Variants in SYTL3 observed in about 807,000 individuals in gnomAD.
SYTL3 encodes synaptotagmin-like protein 3.
A neutral mutation model predicts 82.1 loss-of-function variants in SYTL3; 88 were observed. That is an observed-to-expected ratio of 1.07 (90% CI 0.90 to 1.28). The LOEUF is 1.28. Ranked by LOEUF, SYTL3 falls within the 50% of genes most tolerant of loss-of-function variation. The pLI is 0.00. For missense variants in SYTL3, 831 were observed against 757.6 expected (o/e 1.10, Z -1.14); for synonymous variants, 311 against 289.4 (o/e 1.07, Z -0.76).
At chr6:158,652,607 C>G (rs1370418818) in intron 2 of SYTL3, among the ~76,000 whole-genome samples, 1 of 151,888 alleles carries the variant, frequency 6.6e-6, no homozygotes, top group Non-Finnish European at 1.5e-5. Flanking sequence ...TGCAATGGCG[C>G]GATCTCAGCT....
chr6:158,685,820 A>AAAAC (rs530028195), intron 6 of SYTL3, among the ~76,000 whole-genome samples: 11 of 152,154 alleles, frequency 7.2e-5, no homozygotes, highest in South Asian at 2.1e-4. Flanking sequence ...CTCCATCTCA[A>AAAAC]AAACAAACAA....
At chr6:158,723,644 ACTTT>A (rs1386701492) in intron 10 of SYTL3, among the ~76,000 whole-genome samples, 1 of 152,178 alleles carries the variant, frequency 6.6e-6, no homozygotes, top group East Asian at 1.9e-4. Flanking sequence ...CATCTCCAGG[ACTTT>A]CTTCTAGTAA....
At chr6:158,720,070 CAG>C (rs538927905) in intron 10 of SYTL3, among the ~76,000 whole-genome samples, 11 of 151,646 alleles carry the variant, frequency 7.3e-5, no homozygotes, top group African/African-American at 2.7e-4. Flanking sequence ...GCCTGGGTGA[CAG>C]AGTGAAACCC....
chr6:158,722,836 G>T (rs1252585652), intron 10 of SYTL3, among the ~76,000 whole-genome samples: 1 of 143,354 alleles, frequency 7.0e-6, no homozygotes, highest in Non-Finnish European at 1.5e-5. Context: ...AACAGTCTGG[G>T]CTCACTGCAA....
intron 11 of SYTL3, among the ~76,000 whole-genome samples, chr6:158,727,598 G>A (rs1347763931): frequency 6.6e-6 from 1 of 152,018 alleles, no homozygotes; most frequent in African/African-American, 2.4e-5. Context: ...GGCCGGAAAA[G>A]TGTTGTGGAG....
Position 158,685,217 on chromosome 6 carries a change from T to TCTC in SYTL3, c.394+2228_394+2229insCTC, listed in dbSNP as rs1491425028. On this transcript the variant is annotated intron_variant, in intron 6 of 17. Transcript: ENST00000611299. Reference sequence around the variant, plus strand: ...GCTTTTATGTCTCTCTCTCTCTCTCTTTTTTTTTTTTTTTTAGATGGAGTC... The same window carrying TCTC: ...GCTTTTATGTCTCTCTCTCTCTCTCTCTCTTTTTTTTTTTTTTTAGATGGAGTC... Among the ~76,000 whole-genome samples the TCTC allele has an allele frequency of 2.1e-3, 233 of 111,156 alleles. 1 individual carries two copies. Among genetic ancestry groups the TCTC allele is most frequent in the African/African-American group, 0.011 (219 of 19,714 alleles). 72.9% of individuals were successfully genotyped at this position (111,156 alleles called of 152,430 possible). A position where few individuals can be genotyped will look rare whatever the true frequency, so the allele number is the denominator to read the frequency against.
chr6:158,683,159 C>G (rs899856842), intron 6 of SYTL3, among the ~76,000 whole-genome samples, 170 bp downstream of exon 6: 3 of 151,794 alleles, frequency 2.0e-5, no homozygotes, highest in Admixed American at 1.3e-4. Flanking sequence ...TGCTCATTCC[C>G]TCTGCTCGCT....
At chr6:158,702,217 T>G (rs1049145588) in intron 6 of SYTL3, among the ~76,000 whole-genome samples, 1 of 151,502 alleles carries the variant, frequency 6.6e-6, no homozygotes, top group Admixed American at 6.6e-5. Flanking sequence ...TCCCAGCTAC[T>G]TGGGAGGCTG....
At chr6:158,764,304 G>A (rs1206820022) in intron 17 of SYTL3, among the ~76,000 whole-genome samples, 191 bp from the exon 18 acceptor site, 1 of 152,214 alleles carries the variant, frequency 6.6e-6, no homozygotes, top group Non-Finnish European at 1.5e-5. Context: ...GAGGATGCCT[G>A]CGTGAATCCC....
chr6:158,706,324 G>A (rs775605906), intron 6 of SYTL3, among the ~76,000 whole-genome samples: 1 of 152,154 alleles, frequency 6.6e-6, no homozygotes, highest in South Asian at 2.1e-4. Flanking sequence ...GGTGTTGAGA[G>A]CTTAACATCA....
Position 158,713,845 on chromosome 6 carries a change from A to T in SYTL3, c.562A>T (p.Asn188Tyr). Residue 188 changes from asparagine (N) to tyrosine (Y), a missense_variant, in exon 9 of 18, where the codon AAT becomes TAT. Transcript: ENST00000611299. Reference protein sequence around the residue: ...QFRGFNKSVENLFLSLATHVK... With the variant: ...QFRGFNKSVEYLFLSLATHVK... ...TAGAGGATTTAATAAGTCCGTGGAAAATTTGTTTCTGTCTCTTGCTACCCA... is the reference window on the plus strand; with the variant it reads ...TAGAGGATTTAATAAGTCCGTGGAATATTTGTTTCTGTCTCTTGCTACCCA... 6.4e-7 allele frequency: 1 copy of T among 1,550,850 alleles called. No individual in the cohort carries two copies. The highest frequency in any genetic ancestry group is 8.7e-7 in the Non-Finnish European group (1 of 1,146,862).
At chr6:158,729,652 C>T (rs1444766944) in intron 11 of SYTL3, among the ~76,000 whole-genome samples, 7 of 150,736 alleles carry the variant, frequency 4.6e-5, no homozygotes, top group Admixed American at 2.6e-4. Context: ...CTGCAAGCTC[C>T]GCCTCTCTGG....
At position 158,718,060 on chromosome 6, in the gene SYTL3, C is replaced by T. The variant is rs1364720476; in HGVS notation, c.596-27C>T. 2.2e-5 allele frequency: 33 copies of T among 1,490,894 alleles called. No individual in the cohort carries two copies. In the East Asian group the frequency reaches 7.5e-4, roughly 34 times the overall value. 92.4% of individuals were successfully genotyped at this position (1,490,894 alleles called of 1,614,324 possible). ...TCTCAGCAAAGCTGCTTGTTCCCAC[C>T]CATCAACCCTTGTGTTTGCCTTTTA... On this transcript the variant is annotated intron_variant, in intron 9 of 17. Transcript: ENST00000611299.
At chr6:158,761,200 C>T (rs1399768363) in intron 15 of SYTL3, among the ~76,000 whole-genome samples, 1 of 151,946 alleles carries the variant, frequency 6.6e-6, no homozygotes, top group Admixed American at 6.6e-5. Context: ...TCCTCAGGGA[C>T]CCTATGGAGA....
intron 5 of SYTL3, among the ~76,000 whole-genome samples, chr6:158,672,659 TCTCA>T (rs777101566): frequency 5.9e-5 from 9 of 151,660 alleles, no homozygotes; most frequent in Non-Finnish European, 1.2e-4. Context: ...TGAGACTGAG[TCTCA>T]CTCTGTCGCC....
intron 15 of SYTL3, 73 bp from the exon 16 acceptor site, chr6:158,762,003 T>TTTGGGGTGGTGGTACTGCATA: frequency 2.9e-6 from 3 of 1,052,028 alleles, no homozygotes; most frequent in South Asian, 1.4e-5. Context: ...AGCTCTCGGT[T>TTTGGGGTGGTGGTACTGCATA]TTGGGGTGGT....
chr6:158,675,999 A>C (rs772741103), intron 5 of SYTL3, among the ~76,000 whole-genome samples: 29 of 152,160 alleles, frequency 1.9e-4, no homozygotes, highest in Non-Finnish European at 3.4e-4. Context: ...GCCCAAGGTA[A>C]TTTATATCCC....
chr6:158,714,308 C>T (rs759532088), intron 9 of SYTL3, among the ~76,000 whole-genome samples: 3 of 151,466 alleles, frequency 2.0e-5, no homozygotes, highest in Admixed American at 6.6e-5. Flanking sequence ...GCCAAGATCA[C>T]GCCACTGGAC....
chr6:158,738,803 G>C (rs1254804988), intron 11 of SYTL3, among the ~76,000 whole-genome samples: 5 of 152,186 alleles, frequency 3.3e-5, no homozygotes, highest in African/African-American at 9.7e-5. Flanking sequence ...GATGACAGGT[G>C]TGTGCCACCG....
Sources: gnomAD v4.1 joint callset for allele counts (sites outside exome capture counted in the v4.1 genomes callset) on GRCh38, gnomAD v4.1.1 for gene constraint, MANE v1.5 for transcripts, NCBI Gene and HGNC (gene_info 2026-07-23, HGNC 2026-07-21) for gene names.